The following AIFM1 variants were observed in gnomAD, a reference collection of about 807,000 sequenced individuals.
AIFM1 encodes apoptosis inducing factor mitochondria associated 1.
Under a neutral mutation model 51.7 loss-of-function variants are expected in AIFM1, and 3 were observed. The ratio of observed to expected loss-of-function variants is 0.06; its 90% CI spans 0.03 to 0.15. AIFM1 has a LOEUF of 0.15. Ranked by LOEUF, AIFM1 falls within the 10% of genes least tolerant of loss-of-function variation. The probability of loss-of-function intolerance (pLI) is 1.00; values close to 1 mark genes in which losing one functional copy is unlikely to be tolerated. For missense variants in AIFM1, 330 were observed against 476.8 expected, an observed-to-expected ratio of 0.69 and a Z score of 2.87; for synonymous variants, 178 against 179.4, an observed-to-expected ratio of 0.99 and a Z score of 0.06.
At position 130,146,857 on chromosome X, in the gene AIFM1, C is replaced by T. The variant is rs186280151; in HGVS notation, c.605+636G>A. Among the ~76,000 whole-genome samples the T allele has an allele frequency of 2.2e-3, 244 of 112,045 alleles. 2 individuals carry two copies. Among genetic ancestry groups the T allele is most frequent in the Non-Finnish European group, 3.2e-3 (172 of 53,201 alleles). On this transcript the variant is annotated intron_variant, in intron 5 of 15. Transcript: ENST00000287295. ...TTTCTTCTGCTCTTGTAGGACATGT[C>T]TAGGCAAGTATAAAGAAGTGATGGC...
At chrX:130,144,191 A>G (rs756852491) in intron 6 of AIFM1, among the ~76,000 whole-genome samples, 1 of 111,121 alleles carries the variant, frequency 9.0e-6, no homozygotes, top group African/African-American at 3.3e-5. Flanking sequence ...CATCATCATC[A>G]TACCACTACT....
At chrX:130,132,060 C>T (rs1244749651) in intron 13 of AIFM1, among the ~76,000 whole-genome samples, 1 of 111,095 alleles carries the variant, frequency 9.0e-6, no homozygotes, top group African/African-American at 3.3e-5. Context: ...TTAGTAGAGA[C>T]GGGGTTTTAC....
chrX:130,153,105 G>A (rs1371621385), intron 2 of AIFM1, among the ~76,000 whole-genome samples: 1 of 107,031 alleles, frequency 9.3e-6, no homozygotes, highest in East Asian at 2.9e-4. Context: ...GGCCGAGGCG[G>A]GTGGATCACC....
chrX:130,149,660 G>A (rs1351603391), intron 2 of AIFM1, 92 bp from the exon 3 acceptor site: 1 of 685,211 alleles, frequency 1.5e-6, no homozygotes, highest in Admixed American at 2.4e-5. Flanking sequence ...AGAAGCTTTT[G>A]TCTATCTGAT....
At chrX:130,152,015 G>A (rs954246105) in intron 2 of AIFM1, among the ~76,000 whole-genome samples, 15 of 109,487 alleles carry the variant, frequency 1.4e-4, no homozygotes, top group Middle Eastern at 4.7e-3. Context: ...CTCCAGCCTG[G>A]GCGACAGAGC....
rs73556213 is a variant in AIFM1, at chrX:130,135,704, C to T, written c.1305+341G>A. 5.2e-3 allele frequency among the ~76,000 whole-genome samples: 584 copies of T among 111,694 alleles called. 2 individuals are homozygous for T. Among genetic ancestry groups the T allele is most frequent in the African/African-American group, 0.018 (555 of 30,720 alleles). On this transcript the variant is annotated intron_variant, in intron 12 of 15. Transcript: ENST00000287295. ...TAACATTGCTTCATCCTCCATCCTCCGGATTCAAGTTTGAGCAAAGGGAAC... is the reference window on the plus strand; with the variant it reads ...TAACATTGCTTCATCCTCCATCCTCTGGATTCAAGTTTGAGCAAAGGGAAC...
At chrX:130,130,331 G>A (rs2030013593) in intron 14 of AIFM1, among the ~76,000 whole-genome samples, 165 bp from the exon 15 acceptor site, 1 of 111,881 alleles carries the variant, frequency 8.9e-6, no homozygotes, top group African/African-American at 3.2e-5. Flanking sequence ...GCCTTCACCA[G>A]CCCCTCTCCA....
intron 2 of AIFM1, among the ~76,000 whole-genome samples, chrX:130,151,563 G>A (rs183479682): frequency 3.1e-3 from 343 of 112,077 alleles, no homozygotes; most frequent in Middle Eastern, 0.028. Context: ...TTAACGTTGT[G>A]ACAAATGAAG....
chrX:130,165,729 G>A lies in AIFM1; in HGVS notation c.-73C>T. On this transcript the variant is annotated 5_prime_UTR_variant, in exon 1 of 16. Coordinates refer to ENST00000287295, the MANE Select transcript of AIFM1 (RefSeq NM_004208.4). ...ACGACCGACGGGTCAAACACCGTGA[G>A]CCCCGGCCAGCTCCCCCAGTCTCTT... 1 of 851,048 alleles carries A rather than the reference G, an allele frequency of 1.2e-6. No homozygotes were observed. The highest frequency in any genetic ancestry group is 2.6e-5 in the Admixed American group (1 of 38,472). The allele number at this position is 851,048 out of a possible 1,213,427, so 70.1% of individuals were successfully genotyped here.
At chrX:130,157,887 G>A (rs1389517751) in intron 1 of AIFM1, among the ~76,000 whole-genome samples, 9 of 105,849 alleles carry the variant, frequency 8.5e-5, no homozygotes, top group Non-Finnish European at 1.4e-4. Context: ...CCCGGGAGGC[G>A]GAGGTTGCAG....
chrX:130,135,608 T>TA (rs970756021), intron 12 of AIFM1, among the ~76,000 whole-genome samples: 6 of 110,562 alleles, frequency 5.4e-5, no homozygotes, highest in African/African-American at 2.0e-4. Flanking sequence ...TAATAGATTG[T>TA]AAAAAACAGC....
intron 1 of AIFM1, among the ~76,000 whole-genome samples, chrX:130,161,517 A>G (rs1477070788): frequency 9.3e-6 from 1 of 107,768 alleles, no homozygotes; most frequent in Non-Finnish European, 1.9e-5. Flanking sequence ...TTTGAAGAAA[A>G]AAAAAAAAAA....
rs772801974 is a variant in AIFM1 at position 130,140,627 on chromosome X, T to G, written c.697-10A>C. On this transcript the variant is annotated splice_polypyrimidine_tract_variant and intron_variant, in intron 6 of 15. Transcript: ENST00000287295. The stretch of plus-strand genomic sequence containing the variant: ...CATCCAGCTGTACTACCTGGTACAG[T>G]CACACACATACACAAAAGAGGTAGA... 8.6e-7 allele frequency: 1 copy of G among 1,158,650 alleles called. No individual in the cohort carries two copies. The highest frequency in any genetic ancestry group is 1.2e-6 in the Non-Finnish European group (1 of 850,809).
rs767152897 is a variant in AIFM1, at chrX:130,145,172, T to C, written c.696+307A>G. Among the ~76,000 whole-genome samples, 45 of 112,264 alleles carry C rather than the reference T, an allele frequency of 4.0e-4. No individual in the cohort carries two copies. The South Asian group carries it at 0.017, about 41-fold the overall frequency. ...ATGAGTAATACATATTTGTCAATCT[T>C]TTCTCATCGATAATCCCAGAGAGAA... On this transcript the variant is annotated intron_variant, in intron 6 of 15. Transcript: ENST00000287295.
At chrX:130,164,766 G>A (rs1025460286) in intron 1 of AIFM1, among the ~76,000 whole-genome samples, 1 of 111,473 alleles carries the variant, frequency 9.0e-6, no homozygotes, top group African/African-American at 3.3e-5. Flanking sequence ...GGACCTGGAG[G>A]CTAGCAAACT....
At position 130,154,468 on chromosome X, in the gene AIFM1, G is replaced by A. The variant is rs144521209; in HGVS notation, c.249+1993C>T. ...AGAGATATGAAATGCAAAAAGTAAG[G>A]CTCAGAGGGTAGTATCTGAATTACG... is the stretch of plus-strand genomic sequence containing the variant. On this transcript the variant is annotated intron_variant, in intron 2 of 15. Coordinates refer to ENST00000287295, the MANE Select transcript of AIFM1 (RefSeq NM_004208.4). Among the ~76,000 whole-genome samples, 3 of 112,435 alleles carry A rather than the reference G, an allele frequency of 2.7e-5. No individual in the cohort carries two copies. The East Asian group carries it at 8.3e-4, about 31-fold the overall frequency.
At chrX:130,139,956 C>T in intron 7 of AIFM1, 85 bp from the exon 8 acceptor site, 1 of 812,471 alleles carries the variant, frequency 1.2e-6, no homozygotes, top group Non-Finnish European at 1.9e-6. Flanking sequence ...AAAGGTGGAG[C>T]CCTCTTCACT....
rs760507216 is a variant in AIFM1, at chrX:130,136,727, C to T, written c.1080G>A (p.Gly360=). 8.3e-7 allele frequency: 1 copy of T among 1,207,167 alleles called. No homozygotes were observed. The highest frequency in any genetic ancestry group is 1.8e-5 in the African/African-American group (1 of 56,768). The part of the protein sequence containing the change: ...NWTMEKVRRE[G]VKVMPNAIVQ... ...CAATAGCATTGGGCATCACCTTAAC[C>T]CCCTCTGTAAAGGCAAACAAGACCT... The change falls in exon 11 of 16, where the codon GGG becomes GGA. Residue 360 remains glycine, a synonymous_variant. Coordinates refer to ENST00000287295, the MANE Select transcript of AIFM1 (RefSeq NM_004208.4).
At chrX:130,146,638 T>C (rs772832206) in intron 5 of AIFM1, among the ~76,000 whole-genome samples, 54 of 110,168 alleles carry the variant, frequency 4.9e-4, no homozygotes, top group Non-Finnish European at 9.1e-4. Context: ...AGAAAAAAAA[T>C]TGGAACCCAA....
Sources: gnomAD v4.1 joint callset for allele counts (sites outside exome capture counted in the v4.1 genomes callset) on GRCh38, gnomAD v4.1.1 for gene constraint, MANE v1.5 for transcripts, NCBI Gene and HGNC (gene_info 2026-07-23, HGNC 2026-07-21) for gene names.